ADAM10: variants seen among roughly 807,000 people sequenced by gnomAD.
The protein encoded by ADAM10 is ADAM metallopeptidase domain 10, also known as disintegrin and metalloproteinase domain-containing protein 10.
In ADAM10, 17 loss-of-function variants were observed where a neutral mutation model predicts 90.1. That is an observed-to-expected ratio of 0.19 (90% CI 0.13 to 0.28). The LOEUF is 0.28. ADAM10 is among the 10% of genes least tolerant of loss of function. The pLI, the probability that ADAM10 is intolerant of heterozygous loss-of-function variation, is 1.00. For missense variants in ADAM10, 610 were observed against 914.3 expected (o/e 0.67, Z 4.29); for synonymous variants, 310 against 298.6 (o/e 1.04, Z -0.40).
At chr15:58,732,348 T>C (rs945547228) in intron 1 of ADAM10, 1 of 152,246 alleles carries the variant, frequency 6.6e-6, no homozygotes, top group Non-Finnish European at 1.5e-5. Flanking sequence ...ACCTTATAAA[T>C]GCAGTGATTG....
chr15:58,711,531 A>T (rs1313980359), intron 2 of ADAM10, among the ~76,000 whole-genome samples: 3 of 152,160 alleles, frequency 2.0e-5, no homozygotes, highest in African/African-American at 7.2e-5. Context: ...CCAGTTTATG[A>T]CTACTCCAAT....
intron 2 of ADAM10, among the ~76,000 whole-genome samples, chr15:58,706,612 G>C (rs1007823994): frequency 2.0e-5 from 3 of 152,136 alleles, no homozygotes; most frequent in African/African-American, 7.2e-5. Context: ...AGGAGGAGGG[G>C]AAGAGGAGAG....
At chr15:58,737,933 A>T (rs796747797) in intron 1 of ADAM10, among the ~76,000 whole-genome samples, 69 of 152,336 alleles carry the variant, frequency 4.5e-4, no homozygotes, top group African/African-American at 1.6e-3. Context: ...TATAACAAGC[A>T]AGTTTTTTCC....
At chr15:58,679,360 G>A (rs1484933987) in intron 3 of ADAM10, 78 bp from the exon 4 acceptor site, 35 of 1,251,092 alleles carry the variant, frequency 2.8e-5, no homozygotes, top group Non-Finnish European at 3.8e-5. Flanking sequence ...ATGTATATAT[G>A]TGTGTATATA....
At chr15:58,724,041 G>A (rs1361591720) in intron 1 of ADAM10, among the ~76,000 whole-genome samples, 1 of 152,036 alleles carries the variant, frequency 6.6e-6, no homozygotes, top group Non-Finnish European at 1.5e-5. Flanking sequence ...GACCAGCCTG[G>A]CCAACATGGT....
chr15:58,659,717 T>C (rs777404554), intron 5 of ADAM10, among the ~76,000 whole-genome samples: 4 of 152,050 alleles, frequency 2.6e-5, no homozygotes, highest in African/African-American at 9.7e-5. Flanking sequence ...CCTCATAAAA[T>C]GTGTTATGAA....
rs1305915814 is a variant in ADAM10, at chr15:58,596,670, TATTA to T, written c.*873_*876del. ...ATCAAAGCATGAATAAAATTTCACC[TATTA>T]ATTGAAAAATGGAATTGAATTAGAA... is the stretch of plus-strand genomic sequence containing the variant. On this transcript the variant is annotated 3_prime_UTR_variant, in exon 16 of 16. Transcript: ENST00000260408. 1 of 152,310 alleles carries T rather than the reference TATTA, an allele frequency of 6.6e-6. No individual in the cohort carries two copies. Among genetic ancestry groups the T allele is most frequent in the Non-Finnish European group, 1.5e-5 (1 of 68,020 alleles). The allele number at this position is 152,310 out of a possible 1,614,324, so 9.4% of individuals were successfully genotyped here.
chr15:58,598,091 A>T (rs990585859), intron 15 of ADAM10, among the ~76,000 whole-genome samples: 1 of 152,198 alleles, frequency 6.6e-6, no homozygotes, highest in African/African-American at 2.4e-5. Context: ...TCTTTGAGCA[A>T]ATGCCTTAAC....
chr15:58,597,618 G>A lies in ADAM10; in HGVS notation c.2176C>T (p.Pro726Ser), dbSNP rs1195171257. 1 of 1,613,936 alleles carries A rather than the reference G, an allele frequency of 6.2e-7. No individual in the cohort carries two copies. The highest frequency in any genetic ancestry group is 8.5e-7 in the Non-Finnish European group (1 of 1,180,024). The change falls in exon 16 of 16, where the codon CCA becomes TCA. Residue 726 changes from proline to serine, a missense_variant. Pro to Ser is a moderately conservative substitution (Grantham distance 74, BLOSUM62 -1). Around this residue, in one of 4 missense-constraint regions of ADAM10, gnomAD observed 150 missense variants for 268.5 expected, o/e 0.56. Coordinates refer to ENST00000260408, the MANE Select transcript of ADAM10 (RefSeq NM_001110.4). ...CGCTGGGGTTGCTGAATGGGCTGTG[G>A]AGGTCTCCTCCTCTTTAAAGTGCCT... ...LPGTLKRRRP[P>S]QPIQQPQRQR...
chr15:58,633,919 G>C (rs1387913124), intron 8 of ADAM10, among the ~76,000 whole-genome samples: 4 of 150,618 alleles, frequency 2.7e-5, no homozygotes, highest in South Asian at 2.1e-4. Flanking sequence ...AAAAAAAAGA[G>C]GGGGTAGAGG....
Position 58,597,358 on chromosome 15 carries a change from C to T in ADAM10, c.*189G>A, listed in dbSNP as rs1894984259. 4 of 1,540,508 alleles carry T rather than the reference C, an allele frequency of 2.6e-6. No homozygotes were observed. The highest frequency in any genetic ancestry group is 2.0e-5 in the Admixed American group (1 of 49,774). Reference sequence around the variant, plus strand: ...TTGGGTTCCTTTTCCACCTCCCACCCCCAAATTGGAATTTTCAGGCTTTAA... The same window carrying T: ...TTGGGTTCCTTTTCCACCTCCCACCTCCAAATTGGAATTTTCAGGCTTTAA... On this transcript the variant is annotated 3_prime_UTR_variant, in exon 16 of 16. Transcript: ENST00000260408.
intron 9 of ADAM10, 24 bp from the exon 10 acceptor site, chr15:58,627,907 C>A: frequency 6.2e-7 from 1 of 1,609,870 alleles, no homozygotes; most frequent in East Asian, 2.2e-5. Flanking sequence ...TATAAAGTTA[C>A]ATAAACAGGA....
chr15:58,683,158 T>C (rs765276738), intron 2 of ADAM10, among the ~76,000 whole-genome samples: 1 of 152,178 alleles, frequency 6.6e-6, no homozygotes, highest in African/African-American at 2.4e-5. Flanking sequence ...TATGATAAAA[T>C]GGCAACAAAT....
intron 2 of ADAM10, among the ~76,000 whole-genome samples, chr15:58,711,496 T>C (rs1432659644): frequency 6.6e-6 from 1 of 152,168 alleles, no homozygotes; most frequent in South Asian, 2.1e-4. Context: ...TTAGTCTGAA[T>C]TAACCACACT....
intron 1 of ADAM10, among the ~76,000 whole-genome samples, chr15:58,719,061 C>T (rs1026322720): frequency 2.0e-5 from 3 of 152,166 alleles, no homozygotes; most frequent in African/African-American, 7.2e-5. Flanking sequence ...TGGTGGCTCA[C>T]GCCTGTAATC....
In ADAM10 at chr15:58,641,007, C is replaced by G. The variant is rs1596019373; in HGVS notation, c.829-47G>C. 2.1e-5 allele frequency: 32 copies of G among 1,537,362 alleles called. No individual in the cohort carries two copies. In the East Asian group the frequency reaches 7.2e-4, roughly 35 times the overall value. On this transcript the variant is annotated intron_variant, in intron 7 of 15. Coordinates refer to ENST00000260408, the MANE Select transcript of ADAM10 (RefSeq NM_001110.4). ...TAGTAAGTAATTAATGTTAGCAGAG[C>G]TTTAGTGTGAATGTCTGCTCACCTT...
chr15:58,717,617 C>T lies in ADAM10; in HGVS notation c.166G>A (p.Glu56Lys). The change falls in exon 2 of 16, where the codon GAA becomes AAA. Residue 56 changes from glutamate (E) to lysine (K), a missense_variant. By Grantham distance (56) the Glu-to-Lys change is moderately conservative. Around this residue, in one of 4 missense-constraint regions of ADAM10, gnomAD observed 310 missense variants for 362.4 expected, o/e 0.86. Coordinates refer to ENST00000260408, the MANE Select transcript of ADAM10 (RefSeq NM_001110.4). ...AAATCTAGACGTAAAAATTGGTCTTCATGTGAGACTGCTCTTTTGGCACGC... is the reference window on the plus strand; with the variant it reads ...AAATCTAGACGTAAAAATTGGTCTTTATGTGAGACTGCTCTTTTGGCACGC... ...HQRAKRAVSH[E>K]DQFLRLDFHA... The T allele has an allele frequency of 6.2e-7, 1 of 1,613,920 alleles. No homozygotes were observed. Among genetic ancestry groups the T allele is most frequent in the Non-Finnish European group, 8.5e-7 (1 of 1,179,962 alleles).
chr15:58,639,058 A>C (rs1449791335), intron 8 of ADAM10, among the ~76,000 whole-genome samples: 1 of 151,310 alleles, frequency 6.6e-6, no homozygotes, highest in East Asian at 2.0e-4. Flanking sequence ...AATAGTCTGT[A>C]ACTGAAAATG....
chr15:58,629,921 C>T (rs1896056167), intron 9 of ADAM10, among the ~76,000 whole-genome samples: 1 of 152,102 alleles, frequency 6.6e-6, no homozygotes, highest in African/African-American at 2.4e-5. Flanking sequence ...TGCAGTCCAG[C>T]ACACCCAGCT....
Sources: gnomAD v4.1 joint callset for allele counts (sites outside exome capture counted in the v4.1 genomes callset) on GRCh38, gnomAD v4.1.1 for gene constraint, gnomAD v4.1.1 regional missense constraint, MANE v1.5 for transcripts, NCBI Gene and HGNC (gene_info 2026-07-23, HGNC 2026-07-21) for gene names.